Variants in DGKI observed in about 807,000 individuals in gnomAD.
DGKI encodes the protein DAG kinase iota.
In DGKI, 55 loss-of-function variants were observed where a neutral mutation model predicts 147.5. The observed-to-expected ratio is 0.37, with a 90% CI of 0.30 to 0.47. DGKI has a LOEUF of 0.47. Ranked by LOEUF, DGKI falls within the 20% of genes least tolerant of loss-of-function variation. The pLI is 1.00. For synonymous variants in DGKI, 469 were observed against 477.1 expected, an observed-to-expected ratio of 0.98 and a Z score of 0.22; for missense variants, 1,007 against 1,323.8, an observed-to-expected ratio of 0.76 and a Z score of 3.71.
intron 20 of DGKI, among the ~76,000 whole-genome samples, chr7:137,551,793 A>G (rs1464203579): frequency 6.6e-6 from 1 of 152,134 alleles, no homozygotes; most frequent in Non-Finnish European, 1.5e-5. Context: ...GGGTCAGGCT[A>G]TGTCTGGACA....
chr7:137,432,346 A>G lies in DGKI; in HGVS notation c.2761+11731T>C, dbSNP rs553472074. On this transcript the variant is annotated intron_variant, in intron 28 of 32. Coordinates refer to ENST00000614521, the MANE Select transcript of DGKI (RefSeq NM_001321708.2). ...ATTTCAAGTAATCCTAGAGAACAAT[A>G]GGCTTTAATCATCCCAAAAGCCCAT... is the stretch of plus-strand genomic sequence containing the variant. 7.2e-5 allele frequency among the ~76,000 whole-genome samples: 11 copies of G among 152,298 alleles called. No homozygotes were observed. In the South Asian group the frequency reaches 1.9e-3, roughly 26 times the overall value.
chr7:137,516,767 T>C (rs1215006586), intron 21 of DGKI, among the ~76,000 whole-genome samples: 1 of 152,096 alleles, frequency 6.6e-6, no homozygotes, highest in East Asian at 1.9e-4. Context: ...TATGAATGCA[T>C]GAATGGTTGA....
intron 29 of DGKI, among the ~76,000 whole-genome samples, chr7:137,409,849 A>T (rs1016920229): frequency 6.6e-6 from 1 of 151,952 alleles, no homozygotes; most frequent in Non-Finnish European, 1.5e-5. Context: ...GGCTCCAGAG[A>T]TGTTCTCTTC....
At chr7:137,546,625 C>A (rs1215349027) in intron 20 of DGKI, among the ~76,000 whole-genome samples, 1 of 152,158 alleles carries the variant, frequency 6.6e-6, no homozygotes, top group Admixed American at 6.6e-5. Context: ...CCTTTTCTCC[C>A]TTCTTTTATA....
At chr7:137,712,426 G>A (rs1794243424) in intron 1 of DGKI, among the ~76,000 whole-genome samples, 1 of 152,108 alleles carries the variant, frequency 6.6e-6, no homozygotes, top group Admixed American at 6.5e-5. Flanking sequence ...AATTGAAAGT[G>A]TGCCATATTA....
intron 14 of DGKI, among the ~76,000 whole-genome samples, chr7:137,584,886 A>AT (rs1183167477): frequency 6.6e-6 from 1 of 152,124 alleles, no homozygotes; most frequent in African/African-American, 2.4e-5. Context: ...AAATATACAT[A>AT]TTTTTTCATC....
intron 28 of DGKI, among the ~76,000 whole-genome samples, chr7:137,430,241 C>A (rs966922759): frequency 6.6e-6 from 1 of 151,784 alleles, no homozygotes; most frequent in African/African-American, 2.4e-5. Context: ...ATGATAAGTT[C>A]ATGTCCTTTG....
chr7:137,759,033 G>A (rs1167857765), intron 1 of DGKI, among the ~76,000 whole-genome samples: 1 of 152,026 alleles, frequency 6.6e-6, no homozygotes, highest in Non-Finnish European at 1.5e-5. Flanking sequence ...ATACTGGTGG[G>A]GATTGGGCTT....
intron 15 of DGKI, among the ~76,000 whole-genome samples, chr7:137,581,087 CT>C (rs1819173740): frequency 6.6e-6 from 1 of 152,028 alleles, no homozygotes; most frequent in South Asian, 2.1e-4. Flanking sequence ...TCAATCGGGA[CT>C]ACAAAACATA....
chr7:137,640,190 C>A (rs977053345), intron 6 of DGKI, among the ~76,000 whole-genome samples: 1 of 152,046 alleles, frequency 6.6e-6, no homozygotes, highest in African/African-American at 2.4e-5. Context: ...TTCCCCCTCC[C>A]AGGACGAATC....
intron 29 of DGKI, among the ~76,000 whole-genome samples, chr7:137,408,237 C>G (rs994702885): frequency 1.3e-5 from 2 of 152,194 alleles, no homozygotes; most frequent in Admixed American, 1.3e-4. Context: ...GAAACTGAAT[C>G]ATGCTGAATT....
In DGKI at chr7:137,387,800, ATAT is replaced by A. The variant is rs1481255796; in HGVS notation, c.*3417_*3419del. 5 of 152,216 alleles carry A rather than the reference ATAT, an allele frequency of 3.3e-5. No individual in the cohort carries two copies. Among genetic ancestry groups the A allele is most frequent in the African/African-American group, 9.6e-5 (4 of 41,458 alleles). 9.4% of individuals were successfully genotyped at this position (152,216 alleles called of 1,614,324 possible). Reference sequence around the variant, plus strand: ...TTTTATAATTTAAAAAAACCCCTAAATATTATTAATAAAATTGACATGTAATAA... The same window carrying A: ...TTTTATAATTTAAAAAAACCCCTAAATATTAATAAAATTGACATGTAATAA... On this transcript the variant is annotated 3_prime_UTR_variant, in exon 33 of 33. Coordinates refer to ENST00000614521, the MANE Select transcript of DGKI (RefSeq NM_001321708.2).
chr7:137,808,147 T>G (rs1279745272), intron 1 of DGKI, among the ~76,000 whole-genome samples: 1 of 152,194 alleles, frequency 6.6e-6, no homozygotes, highest in East Asian at 1.9e-4. Context: ...AAGGACAACG[T>G]AGTAGATAAT....
intron 1 of DGKI, among the ~76,000 whole-genome samples, chr7:137,742,236 C>T (rs1795193664): frequency 6.6e-6 from 1 of 152,028 alleles, no homozygotes; most frequent in African/African-American, 2.4e-5. Flanking sequence ...CCTCCTTCCA[C>T]CCCCAACCCC....
intron 1 of DGKI, among the ~76,000 whole-genome samples, chr7:137,701,019 C>T (rs893258793): frequency 6.6e-6 from 1 of 152,118 alleles, no homozygotes; most frequent in African/African-American, 2.4e-5. Context: ...GTCTATATTC[C>T]TATCATATGG....
chr7:137,405,027 T>G (rs1055785594), intron 30 of DGKI, among the ~76,000 whole-genome samples: 3 of 151,998 alleles, frequency 2.0e-5, no homozygotes, highest in African/African-American at 7.3e-5. Context: ...AGGCCCTATT[T>G]TTGGACGCAG....
At chr7:137,700,252 A>G (rs941287179) in intron 1 of DGKI, among the ~76,000 whole-genome samples, 8 of 152,208 alleles carry the variant, frequency 5.3e-5, no homozygotes, top group African/African-American at 1.9e-4. Flanking sequence ...CTTTAGCAAA[A>G]TAATTACTTA....
At chr7:137,626,599 C>T (rs1820949272) in intron 6 of DGKI, among the ~76,000 whole-genome samples, 1 of 152,122 alleles carries the variant, frequency 6.6e-6, no homozygotes, top group Non-Finnish European at 1.5e-5. Flanking sequence ...ACATTGCAGC[C>T]ATTTGAAAAG....
Position 137,588,329 on chromosome 7 carries a change from G to C in DGKI, c.1312-1119C>G, listed in dbSNP as rs138045857. On this transcript the variant is annotated intron_variant, in intron 12 of 32. Transcript: ENST00000614521. ...CGAGTCATGTTTCTCAAAAATACTAGATCATTTGTTTATTGAACACTACTT... is the reference window on the plus strand; with the variant it reads ...CGAGTCATGTTTCTCAAAAATACTACATCATTTGTTTATTGAACACTACTT... Among the ~76,000 whole-genome samples, 58 of 152,022 alleles carry C rather than the reference G, an allele frequency of 3.8e-4. 1 individual carries two copies. The East Asian group carries it at 7.5e-3, about 20-fold the overall frequency.
Sources: gnomAD v4.1 joint callset for allele counts (sites outside exome capture counted in the v4.1 genomes callset) on GRCh38, gnomAD v4.1.1 for gene constraint, MANE v1.5 for transcripts, NCBI Gene and HGNC (gene_info 2026-07-23, HGNC 2026-07-21) for gene names.